The following PCBP3 variants were observed in gnomAD, a reference collection of about 807,000 sequenced individuals.
PCBP3 encodes poly(rC) binding protein 3.
PCBP3 carries 25 observed loss-of-function variants against 52.7 expected under a neutral mutation model. The observed-to-expected ratio is 0.47, with a 90% CI of 0.35 to 0.66. PCBP3 has a LOEUF of 0.66. Among genes scored for constraint, PCBP3 ranks in the 30% least tolerant of loss-of-function variants. The probability of loss-of-function intolerance (pLI) is 0.01; values close to 1 mark genes in which losing one functional copy is unlikely to be tolerated. For missense variants in PCBP3, 391 were observed against 490.3 expected, an observed-to-expected ratio of 0.80 and a Z score of 1.91; for synonymous variants, 162 against 183.0, an observed-to-expected ratio of 0.89 and a Z score of 0.93.
intron 1 of PCBP3, among the ~76,000 whole-genome samples, chr21:45,662,276 T>G (rs999959733): frequency 1.8e-4 from 5 of 27,708 alleles, no homozygotes; most frequent in South Asian, 3.4e-3. Context: ...CCTAAGTTTT[T>G]TTTTTTTTTT....
Position 45,802,314 on chromosome 21 carries a change from T to A in PCBP3, c.-126+46862T>A, listed in dbSNP as rs769340207. On this transcript the variant is annotated intron_variant, in intron 4 of 17. Coordinates refer to ENST00000681687, the MANE Select transcript of PCBP3 (RefSeq NM_001384156.1). This position sits in a 1 kb window ranked among gnomAD's most constrained non-coding sequence, Gnocchi z 5.1. ...CCCCTGCGTCAGCACCACCCCTTGC[T>A]GTGTTCCTGAAGCGTCCTGTCTTCC... 4.2e-4 allele frequency among the ~76,000 whole-genome samples: 64 copies of A among 152,312 alleles called. No homozygotes were observed. The highest frequency in any genetic ancestry group is 7.8e-4 in the Admixed American group (12 of 15,304).
At chr21:45,852,998 A>C (rs758493911) in intron 5 of PCBP3, among the ~76,000 whole-genome samples, 2 of 152,256 alleles carry the variant, frequency 1.3e-5, no homozygotes, top group Non-Finnish European at 2.9e-5. Context: ...AGAGATGCAG[A>C]GTGACATGGC....
In PCBP3 at chr21:45,871,143, A is replaced by G. The variant is rs535616996; in HGVS notation, c.10+21048A>G. On this transcript the variant is annotated intron_variant, in intron 5 of 17. Transcript: ENST00000681687. Reference sequence around the variant, plus strand: ...GGGAAGGCCGTGCAGCCCAGTGCCCAGGAGAGATGGGAACCCCCCAGGGAA... The same window carrying G: ...GGGAAGGCCGTGCAGCCCAGTGCCCGGGAGAGATGGGAACCCCCCAGGGAA... 444 of 161,682 alleles carry G rather than the reference A, an allele frequency of 2.7e-3. 4 individuals are homozygous for G. The highest frequency in any genetic ancestry group is 0.013 in the African/African-American group (418 of 33,304). 10.0% of individuals were successfully genotyped at this position (161,682 alleles called of 1,614,324 possible).
intron 2 of PCBP3, among the ~76,000 whole-genome samples, chr21:45,692,172 G>A (rs2082521885): frequency 6.6e-6 from 1 of 152,234 alleles, no homozygotes; most frequent in African/African-American, 2.4e-5. Context: ...ATCCAGGAAG[G>A]CCACTCTCAA....
intron 1 of PCBP3, among the ~76,000 whole-genome samples, chr21:45,653,470 T>C (rs1445934907): frequency 6.6e-6 from 1 of 152,168 alleles, no homozygotes; most frequent in Non-Finnish European, 1.5e-5. Flanking sequence ...TTAATTATTA[T>C]GACTGGTTCT....
chr21:45,825,576 G>A (rs77818846), intron 4 of PCBP3, among the ~76,000 whole-genome samples: 2,628 of 152,328 alleles, frequency 0.017, 96 homozygotes, highest in African/African-American at 0.059. Flanking sequence ...CAGTGTCACC[G>A]TGGATGAGTT....
chr21:45,698,049 C>A (rs1226277259), intron 2 of PCBP3, among the ~76,000 whole-genome samples: 1 of 152,164 alleles, frequency 6.6e-6, no homozygotes, highest in Non-Finnish European at 1.5e-5. Flanking sequence ...ACCTGGGCTT[C>A]ACAATTTAGT....
intron 2 of PCBP3, among the ~76,000 whole-genome samples, chr21:45,671,551 A>G (rs1038869501): frequency 2.0e-5 from 3 of 152,212 alleles, no homozygotes; most frequent in African/African-American, 7.2e-5. Flanking sequence ...GAAGGCATCT[A>G]TCAATGTTTT....
chr21:45,867,350 C>A (rs1461187612), intron 5 of PCBP3, among the ~76,000 whole-genome samples: 2 of 152,232 alleles, frequency 1.3e-5, no homozygotes, highest in Non-Finnish European at 2.9e-5. Flanking sequence ...GAACGTACAG[C>A]TGCTTAGAAA....
At chr21:45,681,096 T>G (rs2081814258) in intron 2 of PCBP3, among the ~76,000 whole-genome samples, 1 of 152,188 alleles carries the variant, frequency 6.6e-6, no homozygotes, top group Non-Finnish European at 1.5e-5. Context: ...GCCACCCCTT[T>G]TATAAGACGT....
chr21:45,746,701 C>T (rs75942511), intron 3 of PCBP3, among the ~76,000 whole-genome samples: 3 of 65,592 alleles, frequency 4.6e-5, no homozygotes, highest in African/African-American at 6.1e-5. Flanking sequence ...TGTCAGTCCA[C>T]TGACGTAGCG....
intron 2 of PCBP3, among the ~76,000 whole-genome samples, chr21:45,708,803 C>G (rs1174007077): frequency 6.6e-6 from 1 of 152,204 alleles, no homozygotes; most frequent in African/African-American, 2.4e-5. Flanking sequence ...GGCTCTGTTT[C>G]AAGGGCGGAA....
At chr21:45,678,440 G>C (rs1426907915) in intron 2 of PCBP3, among the ~76,000 whole-genome samples, 1 of 152,128 alleles carries the variant, frequency 6.6e-6, no homozygotes, top group East Asian at 1.9e-4. Context: ...CACCGTTCTC[G>C]ATGTCATTAA....
chr21:45,720,701 G>A (rs1215024668), intron 2 of PCBP3, among the ~76,000 whole-genome samples: 3 of 152,174 alleles, frequency 2.0e-5, no homozygotes, highest in Non-Finnish European at 4.4e-5. Context: ...CTTTACTCTT[G>A]TAGGGTTGCA....
chr21:45,915,276 T>C (rs2073192091), intron 12 of PCBP3: 1 of 152,184 alleles, frequency 6.6e-6, no homozygotes, highest in Non-Finnish European at 1.5e-5. Flanking sequence ...CAGCAGGACA[T>C]GTCCTTACCT....
chr21:45,659,228 T>C lies in PCBP3; in HGVS notation c.-278-9646T>C, dbSNP rs1199319370. The stretch of plus-strand genomic sequence containing the variant: ...TTCTTAAGGTAGAACGTTAGGTTAT[T>C]GATTTGAGATATTTCTCTTTTAACA... On this transcript the variant is annotated intron_variant, in intron 1 of 17. Coordinates refer to ENST00000681687, the MANE Select transcript of PCBP3 (RefSeq NM_001384156.1). 2.6e-5 allele frequency among the ~76,000 whole-genome samples: 4 copies of C among 151,948 alleles called. No individual in the cohort carries two copies. The South Asian group carries it at 8.3e-4, about 32-fold the overall frequency.
chr21:45,912,429 G>T (rs1480769889), intron 11 of PCBP3, among the ~76,000 whole-genome samples: 1 of 152,212 alleles, frequency 6.6e-6, no homozygotes, highest in Non-Finnish European at 1.5e-5. Flanking sequence ...ATGCCTTAAA[G>T]ACCCTCCTGG....
At chr21:45,695,105 G>A (rs143296822) in intron 2 of PCBP3, among the ~76,000 whole-genome samples, 6 of 152,194 alleles carry the variant, frequency 3.9e-5, no homozygotes, top group Non-Finnish European at 8.8e-5. Context: ...ATAAGATGGA[G>A]AAATTGAAAT....
chr21:45,823,207 C>T (rs912741442), intron 4 of PCBP3, among the ~76,000 whole-genome samples: 2 of 152,226 alleles, frequency 1.3e-5, no homozygotes, highest in East Asian at 1.9e-4. Flanking sequence ...CCTCTGCAGT[C>T]CCCATGACCC....
Sources: gnomAD v4.1 joint callset for allele counts (sites outside exome capture counted in the v4.1 genomes callset) on GRCh38, gnomAD v4.1.1 for gene constraint, Gnocchi (gnomAD v3.1) non-coding constraint, MANE v1.5 for transcripts, NCBI Gene and HGNC (gene_info 2026-07-23, HGNC 2026-07-21) for gene names.